Variants in CFAP54 observed in about 807,000 individuals in gnomAD.
CFAP54 encodes the protein cilia- and flagella-associated protein 54.
Under a neutral mutation model 370.4 loss-of-function variants are expected in CFAP54, and 290 were observed. The observed-to-expected ratio is 0.78, with a 90% CI of 0.71 to 0.86. The LOEUF is 0.86. Among genes scored for constraint, CFAP54 ranks in the 40% least tolerant of loss-of-function variants. CFAP54 has a pLI of 0.00. For missense variants in CFAP54, 3,399 were observed against 3,528.7 expected, an observed-to-expected ratio of 0.96 and a Z score of 0.93; for synonymous variants, 1,206 against 1,236.5, an observed-to-expected ratio of 0.98 and a Z score of 0.52.
At chr12:96,543,955 T>A (rs140558619) in intron 14 of CFAP54, among the ~76,000 whole-genome samples, 80 of 152,258 alleles carry the variant, frequency 5.3e-4, no homozygotes, top group African/African-American at 1.9e-3. Context: ...AGCTCTAATG[T>A]GTTCTATACT....
rs555404411 is a variant in CFAP54 at position 96,691,180 on chromosome 12, A to G, written c.6134A>G (p.Gln2045Arg). 11 of 1,613,696 alleles carry G rather than the reference A, an allele frequency of 6.8e-6. No homozygotes were observed. The South Asian group carries it at 8.8e-5, about 13-fold the overall frequency. The change falls in exon 44 of 68, where the codon CAA becomes CGA. Residue 2045 changes from glutamine (Q) to arginine (R), a missense_variant. Physicochemically the swap from Gln to Arg is conservative, Grantham distance 43 (BLOSUM62 1). Transcript: ENST00000524981. Reference protein sequence around the residue: ...PHPKAERCYAQYEITQLLPGI... With the variant: ...PHPKAERCYARYEITQLLPGI... ...CCCAAAGCTGAACGTTGCTATGCTC[A>G]ATATGAAATCACTCAGCTTCTCCCA...
At chr12:96,577,906 T>TA (rs1490385336) in intron 20 of CFAP54, among the ~76,000 whole-genome samples, 3 of 151,706 alleles carry the variant, frequency 2.0e-5, no homozygotes, top group Admixed American at 2.0e-4. Context: ...ACTAAAAATA[T>TA]AAAAAATTAG....
At chr12:96,491,062 G>A (rs773429328) in intron 1 of CFAP54, among the ~76,000 whole-genome samples, 1 of 151,838 alleles carries the variant, frequency 6.6e-6, no homozygotes, top group Non-Finnish European at 1.5e-5. Context: ...CCTTGAACTT[G>A]GGGGCTCAAG....
intron 60 of CFAP54, among the ~76,000 whole-genome samples, chr12:96,777,538 G>A (rs902009142): frequency 1.3e-5 from 2 of 151,916 alleles, no homozygotes; most frequent in Admixed American, 1.3e-4. Context: ...TAGTAGAGAC[G>A]GGGTTTCTCC....
intron 19 of CFAP54, among the ~76,000 whole-genome samples, chr12:96,567,073 A>T (rs928707443): frequency 6.6e-6 from 1 of 152,198 alleles, no homozygotes; most frequent in African/African-American, 2.4e-5. Context: ...CGTGAAGTTG[A>T]GTGCTGAAAG....
chr12:96,495,209 C>G (rs752297558), intron 1 of CFAP54, among the ~76,000 whole-genome samples: 1 of 151,966 alleles, frequency 6.6e-6, no homozygotes, highest in Non-Finnish European at 1.5e-5. Context: ...AGGTATTCTG[C>G]TTATATAGTT....
intron 24 of CFAP54, 111 bp downstream of exon 24, chr12:96,592,748 A>G (rs1195404013): frequency 5.3e-6 from 2 of 376,128 alleles, no homozygotes; most frequent in Non-Finnish European, 9.5e-6. Flanking sequence ...GAATGGACTG[A>G]AAGGACATTG....
chr12:96,836,778 ATGGT>A (rs1264458459), intron 66 of CFAP54, among the ~76,000 whole-genome samples: 21 of 152,150 alleles, frequency 1.4e-4, no homozygotes, highest in Admixed American at 1.4e-3. Context: ...TCCATTTTAT[ATGGT>A]TGAATTTAGT....
chr12:96,568,907 T>C (rs1243312681), intron 19 of CFAP54, among the ~76,000 whole-genome samples: 2 of 123,704 alleles, frequency 1.6e-5, no homozygotes, highest in East Asian at 4.5e-4. Context: ...GATGACTGGC[T>C]TTTTTTTTTT....
chr12:96,867,717 G>A (rs551341237), intron 67 of CFAP54, among the ~76,000 whole-genome samples: 5 of 152,270 alleles, frequency 3.3e-5, no homozygotes, highest in South Asian at 2.1e-4. Flanking sequence ...AGTTAAACTC[G>A]TAGAAGCAGA....
chr12:96,750,539 T>G (rs1240687116), intron 55 of CFAP54, among the ~76,000 whole-genome samples: 1 of 152,356 alleles, frequency 6.6e-6, no homozygotes, highest in South Asian at 2.1e-4. Context: ...TTAGGCTGAC[T>G]TAATTGGCCT....
At chr12:96,840,039 C>T (rs1338485429) in intron 66 of CFAP54, among the ~76,000 whole-genome samples, 3 of 152,194 alleles carry the variant, frequency 2.0e-5, no homozygotes, top group South Asian at 2.1e-4. Flanking sequence ...CAAGGTTGGA[C>T]GTAGACTCTA....
intron 26 of CFAP54, among the ~76,000 whole-genome samples, chr12:96,608,259 G>T (rs1956320542): frequency 6.6e-6 from 1 of 151,480 alleles, no homozygotes; most frequent in African/African-American, 2.4e-5. Flanking sequence ...GTATGAGCAG[G>T]TAAAGATTTT....
intron 65 of CFAP54, among the ~76,000 whole-genome samples, chr12:96,826,335 C>CGACAATATATATATTGAATATATATAGTG (rs71068833): frequency 7.2e-6 from 1 of 138,258 alleles, no homozygotes; most frequent in African/African-American, 2.7e-5. Context: ...TATATATAGT[C>CGACAATATATATATTGAATATATATAGTG]TACAATATAT....
At chr12:96,703,478 A>G (rs551939123) in intron 46 of CFAP54, among the ~76,000 whole-genome samples, 7 of 152,190 alleles carry the variant, frequency 4.6e-5, no homozygotes, top group African/African-American at 1.7e-4. Context: ...CTGGTGACCA[A>G]GGGGGATGAG....
In CFAP54 at chr12:96,580,790, T is replaced by G. The variant is rs1302588752; in HGVS notation, c.2889+101T>G. 3 of 1,112,348 alleles carry G rather than the reference T, an allele frequency of 2.7e-6. No individual in the cohort carries two copies. In the African/African-American group the frequency reaches 4.9e-5, roughly 18 times the overall value. The allele number at this position is 1,112,348 out of a possible 1,614,324, so 68.9% of individuals were successfully genotyped here. A position where few individuals can be genotyped will look rare whatever the true frequency, so the allele number is the denominator to read the frequency against. Reference sequence around the variant, plus strand: ...TTGGTGAATCTCTCTAATTTCCACCTGAATCATAACTAAAATCCAACAATG... The same window carrying G: ...TTGGTGAATCTCTCTAATTTCCACCGGAATCATAACTAAAATCCAACAATG... On this transcript the variant is annotated intron_variant, in intron 21 of 67. Transcript: ENST00000524981.
Position 96,743,441 on chromosome 12 carries a change from T to C in CFAP54, c.7259T>C (p.Val2420Ala). 1 of 1,614,048 alleles carries C rather than the reference T, an allele frequency of 6.2e-7. No homozygotes were observed. Among genetic ancestry groups the C allele is most frequent in the African/African-American group, 1.3e-5 (1 of 75,034 alleles). ...GATTGCCTGAGCCTCATCAATGAAG[T>C]GTGTATGGAGGCAAAAAGCGCAGGG... is the stretch of plus-strand genomic sequence containing the variant. ...MTDCLSLINE[V>A]CMEAKSAGDT... is the part of the protein sequence containing the mutation. Residue 2420 changes from valine to alanine, a missense_variant, in exon 53 of 68, where the codon GTG becomes GCG. Around this residue, in one of 3 missense-constraint regions of CFAP54, gnomAD observed 2,796 missense variants for 2,869.7 expected, o/e 0.97. Transcript: ENST00000524981.
intron 58 of CFAP54, 47 bp from the exon 59 acceptor site, chr12:96,764,104 G>A (rs751618139): frequency 7.2e-6 from 9 of 1,250,280 alleles, no homozygotes; most frequent in Non-Finnish European, 9.3e-6. Context: ...AAGATGAGAA[G>A]AGTTATCACA....
chr12:96,688,978 T>C lies in CFAP54; in HGVS notation c.6077T>C (p.Phe2026Ser). 2 of 1,568,768 alleles carry C rather than the reference T, an allele frequency of 1.3e-6. No homozygotes were observed. Among genetic ancestry groups the C allele is most frequent in the African/African-American group, 1.4e-5 (1 of 73,034 alleles). ...TDCCILSALL[F>S]QGLLRTTLPH... ...TGTTGCATTTTGTCTGCGTTACTCTTTCAGGTAACACTCTATGTATGTATG... is the reference window on the plus strand; with the variant it reads ...TGTTGCATTTTGTCTGCGTTACTCTCTCAGGTAACACTCTATGTATGTATG... The change falls in exon 43 of 68, where the codon TTT (phenylalanine) becomes TCT (serine). Residue 2026 changes from phenylalanine (F) to serine (S), a missense_variant. Coordinates refer to ENST00000524981, the MANE Select transcript of CFAP54 (RefSeq NM_001306084.2).
Sources: gnomAD v4.1 joint callset for allele counts (sites outside exome capture counted in the v4.1 genomes callset) on GRCh38, gnomAD v4.1.1 for gene constraint, gnomAD v4.1.1 regional missense constraint, MANE v1.5 for transcripts, NCBI Gene and HGNC (gene_info 2026-07-23, HGNC 2026-07-21) for gene names.